NRXN3: variants seen among roughly 807,000 people sequenced by gnomAD.
The protein encoded by NRXN3 is neurexin III.
A neutral mutation model predicts 137.6 loss-of-function variants in NRXN3; 32 were observed. The ratio of observed to expected loss-of-function variants is 0.23; its 90% CI spans 0.18 to 0.31. The LOEUF is 0.31. NRXN3 is among the 10% of genes least tolerant of loss of function. The pLI is 1.00. For missense variants in NRXN3, 1,574 were observed against 2,062.5 expected (o/e 0.76, Z 4.59); for synonymous variants, 798 against 784.5 (o/e 1.02, Z -0.29).
At chr14:79,273,691 G>A (rs1477213287) in intron 15 of NRXN3, among the ~76,000 whole-genome samples, 2 of 151,932 alleles carry the variant, frequency 1.3e-5, no homozygotes, top group South Asian at 2.1e-4. Context: ...TTTGTGTGTC[G>A]GGTACTATTT....
chr14:78,803,850 T>A (rs778568309), intron 9 of NRXN3, 27 bp downstream of exon 9: 2 of 1,593,602 alleles, frequency 1.3e-6, no homozygotes, highest in South Asian at 2.2e-5. Flanking sequence ...CCTCTGCCAC[T>A]TCGTTTGGGC....
chr14:79,588,268 G>A (rs2097777191), intron 16 of NRXN3, among the ~76,000 whole-genome samples: 1 of 152,194 alleles, frequency 6.6e-6, no homozygotes, highest in East Asian at 1.9e-4. Flanking sequence ...CCATAGCTTC[G>A]TAGATCAAAA....
At chr14:78,987,478 G>A (rs1390262605) in intron 14 of NRXN3, among the ~76,000 whole-genome samples, 2 of 151,952 alleles carry the variant, frequency 1.3e-5, no homozygotes, top group Middle Eastern at 3.4e-3. Context: ...CCCAGTACTC[G>A]CCCCCTAAAA....
chr14:78,530,673 G>T (rs1037180961), intron 4 of NRXN3, among the ~76,000 whole-genome samples: 1 of 152,152 alleles, frequency 6.6e-6, no homozygotes, highest in African/African-American at 2.4e-5. Flanking sequence ...TAAAAGCTGG[G>T]TCATACTATT....
chr14:78,243,128 T>A lies in NRXN3; in HGVS notation c.35T>A (p.Leu12Gln). Residue 12 changes from leucine (L) to glutamine (Q), a missense_variant, in exon 2 of 21, where the codon CTG (leucine) becomes CAG (glutamine). Around this residue, in one of 5 missense-constraint regions of NRXN3, gnomAD observed 400 missense variants for 527.3 expected, o/e 0.76. Transcript: ENST00000335750. This position sits in a 1 kb window ranked among gnomAD's most constrained non-coding sequence, Gnocchi z 4.2. ...ACACTCCACTCGGTTTTCTTCACCC[T>A]GAAGGTCAGCATCCTGCTGGGGTCC... is the stretch of plus-strand genomic sequence containing the variant. ...SSTLHSVFFT[L>Q]KVSILLGSLL... 1 of 1,542,280 alleles carries A rather than the reference T, an allele frequency of 6.5e-7. No individual in the cohort carries two copies. Among genetic ancestry groups the A allele is most frequent in the Non-Finnish European group, 8.7e-7 (1 of 1,150,930 alleles).
chr14:79,010,460 C>T (rs939181812), intron 15 of NRXN3, among the ~76,000 whole-genome samples: 1 of 152,140 alleles, frequency 6.6e-6, no homozygotes, highest in Admixed American at 6.5e-5. Flanking sequence ...TAACTCATAC[C>T]TAGGCTGATA....
chr14:78,697,000 C>T (rs1314506995), intron 6 of NRXN3, among the ~76,000 whole-genome samples: 1 of 152,070 alleles, frequency 6.6e-6, no homozygotes, highest in African/African-American at 2.4e-5. Flanking sequence ...TTCCCACACC[C>T]GTAGCAGACA....
chr14:79,402,235 CT>C (rs34099292), intron 15 of NRXN3, among the ~76,000 whole-genome samples: 2 of 152,110 alleles, frequency 1.3e-5, no homozygotes, highest in Non-Finnish European at 2.9e-5. Context: ...TTCACCCAGC[CT>C]TTTTTTCTGT....
intron 6 of NRXN3, among the ~76,000 whole-genome samples, chr14:78,689,465 A>G (rs1453990053): frequency 2.0e-5 from 3 of 152,172 alleles, no homozygotes; most frequent in Non-Finnish European, 4.4e-5. Context: ...CATGGGCATA[A>G]TTTCTGCCCT....
At chr14:79,601,726 C>T (rs1361452773) in intron 16 of NRXN3, among the ~76,000 whole-genome samples, 2 of 152,180 alleles carry the variant, frequency 1.3e-5, no homozygotes, top group Non-Finnish European at 2.9e-5. Context: ...CAGTTCATAA[C>T]ATTAAAGCAC....
chr14:79,817,337 G>A (rs1348455611), intron 20 of NRXN3, among the ~76,000 whole-genome samples: 3 of 152,174 alleles, frequency 2.0e-5, no homozygotes, highest in African/African-American at 4.8e-5. Context: ...ACAGGTATGA[G>A]CCACCGTTCC....
rs372883211 is a variant in NRXN3, at chr14:78,810,466, G to T, written c.2275+122G>T. Reference sequence around the variant, plus strand: ...TTATTTTTTCTTTTAACAATGGAGTGGGGGGGACCTGGGGCTAAGAAGATG... The same window carrying T: ...TTATTTTTTCTTTTAACAATGGAGTTGGGGGGACCTGGGGCTAAGAAGATG... On this transcript the variant is annotated intron_variant, in intron 10 of 20. Coordinates refer to ENST00000335750, the MANE Select transcript of NRXN3 (RefSeq NM_001330195.2). The T allele has an allele frequency of 3.7e-4, 90 of 245,668 alleles. No individual in the cohort carries two copies. In the Middle Eastern group the frequency reaches 4.6e-3, roughly 12 times the overall value. The allele number at this position is 245,668 out of a possible 1,614,324, so 15.2% of individuals were successfully genotyped here.
At chr14:78,711,267 A>G (rs1483957899) in intron 7 of NRXN3, among the ~76,000 whole-genome samples, 6 of 151,730 alleles carry the variant, frequency 4.0e-5, no homozygotes. Context: ...CCATTTGTTC[A>G]TTTCTGTCTG....
At chr14:79,100,507 G>A (rs76088123) in intron 15 of NRXN3, among the ~76,000 whole-genome samples, 4,337 of 152,288 alleles carry the variant, frequency 0.028, 204 homozygotes, top group African/African-American at 0.099. Flanking sequence ...TTGATTTCAA[G>A]TTTACGTGTC....
At chr14:79,197,506 A>G (rs902187477) in intron 15 of NRXN3, among the ~76,000 whole-genome samples, 2 of 151,266 alleles carry the variant, frequency 1.3e-5, no homozygotes, top group South Asian at 2.1e-4. Context: ...TGCGTGGCTT[A>G]TCTACTGTTT....
intron 19 of NRXN3, among the ~76,000 whole-genome samples, chr14:79,746,608 A>G (rs971185235): frequency 8.5e-5 from 13 of 152,234 alleles, no homozygotes; most frequent in African/African-American, 3.1e-4. Flanking sequence ...ATCTTGAATC[A>G]TATGGTCCAC....
chr14:79,320,592 G>T (rs1372563079), intron 15 of NRXN3, among the ~76,000 whole-genome samples: 2 of 152,062 alleles, frequency 1.3e-5, no homozygotes, highest in Non-Finnish European at 2.9e-5. Flanking sequence ...TCTTTTCAAG[G>T]CCTGAAGCAT....
intron 16 of NRXN3, among the ~76,000 whole-genome samples, chr14:79,560,794 C>A (rs145562890): frequency 9.3e-4 from 142 of 151,950 alleles, no homozygotes; most frequent in African/African-American, 3.3e-3. Flanking sequence ...GCCTGCCTTG[C>A]CCTCCCAAAG....
intron 15 of NRXN3, among the ~76,000 whole-genome samples, chr14:79,446,757 A>G (rs1417871335): frequency 6.6e-6 from 1 of 152,176 alleles, no homozygotes; most frequent in African/African-American, 2.4e-5. Flanking sequence ...TTGTGTGCAT[A>G]AGCATTTCTT....
Sources: gnomAD v4.1 joint callset for allele counts (sites outside exome capture counted in the v4.1 genomes callset) on GRCh38, gnomAD v4.1.1 for gene constraint, gnomAD v4.1.1 regional missense constraint, Gnocchi (gnomAD v3.1) non-coding constraint, MANE v1.5 for transcripts, NCBI Gene and HGNC (gene_info 2026-07-23, HGNC 2026-07-21) for gene names.